The following ARL3 variants were observed in gnomAD, a reference collection of about 807,000 sequenced individuals.
ARL3 encodes ADP-ribosylation factor-like protein 3.
A neutral mutation model predicts 26.0 loss-of-function variants in ARL3; 9 were observed. That is an observed-to-expected ratio of 0.35 (90% confidence interval 0.21 to 0.60). ARL3 has a LOEUF of 0.60. Among genes scored for constraint, ARL3 ranks in the 20% least tolerant of loss-of-function variants. The probability of loss-of-function intolerance (pLI) is 0.78; values close to 1 mark genes in which losing one functional copy is unlikely to be tolerated. For synonymous variants in ARL3, 71 were observed against 78.4 expected, an observed-to-expected ratio of 0.91 and a Z score of 0.50; for missense variants, 158 against 215.7, an observed-to-expected ratio of 0.73 and a Z score of 1.67.
At chr10:102,708,885 ATT>A (rs2064322973) in intron 1 of ARL3, among the ~76,000 whole-genome samples, 1 of 80,440 alleles carries the variant, frequency 1.2e-5, no homozygotes, top group Admixed American at 1.3e-4. Context: ...AAAACCATAT[ATT>A]ATATATATAT....
At chr10:102,692,735 G>A (rs1202524753) in intron 3 of ARL3, among the ~76,000 whole-genome samples, 2 of 151,880 alleles carry the variant, frequency 1.3e-5, no homozygotes, top group Middle Eastern at 3.4e-3. Context: ...TTGAGACAGA[G>A]TCTCGCTCTG....
intron 5 of ARL3, among the ~76,000 whole-genome samples, chr10:102,684,519 C>T (rs1481770062): frequency 6.6e-6 from 1 of 152,110 alleles, no homozygotes; most frequent in African/African-American, 2.4e-5. Context: ...TTCAGAAACA[C>T]AAGAAAATTA....
intron 5 of ARL3, among the ~76,000 whole-genome samples, chr10:102,679,777 T>C (rs554548795): frequency 8.5e-5 from 13 of 152,338 alleles, no homozygotes; most frequent in Admixed American, 2.0e-4. Flanking sequence ...GGTATCTGTA[T>C]ATGCAGAGGC....
intron 5 of ARL3, among the ~76,000 whole-genome samples, chr10:102,683,546 T>C (rs1350591311): frequency 6.6e-6 from 1 of 152,250 alleles, no homozygotes; most frequent in East Asian, 1.9e-4. Context: ...TCTCTTGATA[T>C]CATTTCCTGT....
At chr10:102,713,963 GC>G (rs1174823642) in intron 1 of ARL3, among the ~76,000 whole-genome samples, 1 of 152,136 alleles carries the variant, frequency 6.6e-6, no homozygotes, top group East Asian at 1.9e-4. Flanking sequence ...CCTGGGATCC[GC>G]CCTCACCCCT....
At chr10:102,678,261 G>A (rs781659180) in intron 5 of ARL3, among the ~76,000 whole-genome samples, 1 of 152,196 alleles carries the variant, frequency 6.6e-6, no homozygotes, top group Non-Finnish European at 1.5e-5. Flanking sequence ...GAGGAATGCC[G>A]AGGTGGGAGA....
chr10:102,679,550 G>A (rs1383665629), intron 5 of ARL3, among the ~76,000 whole-genome samples: 2 of 152,178 alleles, frequency 1.3e-5, no homozygotes, highest in East Asian at 3.9e-4. Context: ...CCACGGATGT[G>A]GGTACCTGCC....
At chr10:102,703,178 A>G (rs1590127020) in intron 2 of ARL3, among the ~76,000 whole-genome samples, 1 of 142,778 alleles carries the variant, frequency 7.0e-6, no homozygotes, top group African/African-American at 2.6e-5. Context: ...CTGGAGTGCA[A>G]TGGCACAATC....
Position 102,689,958 on chromosome 10 carries a change from A to G in ARL3, c.265-15T>C. ...ATTACATATATCTATAAAGGAAAAG[A>G]AGAAGGTTATTTCAGTGAGCAGAGA... is the stretch of plus-strand genomic sequence containing the variant. On this transcript the variant is annotated splice_polypyrimidine_tract_variant and intron_variant, in intron 3 of 5. Transcript: ENST00000260746. The G allele has an allele frequency of 6.4e-7, 1 of 1,563,968 alleles. No homozygotes were observed. The highest frequency in any genetic ancestry group is 8.7e-7 in the Non-Finnish European group (1 of 1,147,532).
At chr10:102,691,281 C>T (rs1590122697) in intron 3 of ARL3, among the ~76,000 whole-genome samples, 1 of 115,236 alleles carries the variant, frequency 8.7e-6, no homozygotes, top group East Asian at 2.9e-4. Context: ...CCTCCCCCCA[C>T]CCCACCACAG....
chr10:102,690,735 GA>G (rs1457249978), intron 3 of ARL3, among the ~76,000 whole-genome samples: 2 of 152,146 alleles, frequency 1.3e-5, no homozygotes, highest in African/African-American at 4.8e-5. Context: ...AGAAATGGAA[GA>G]TACCCTATCC....
At chr10:102,680,506 C>A (rs1016246137) in intron 5 of ARL3, among the ~76,000 whole-genome samples, 1 of 152,150 alleles carries the variant, frequency 6.6e-6, no homozygotes, top group Non-Finnish European at 1.5e-5. Flanking sequence ...ATATTATTCT[C>A]CCCTATAACC....
intron 3 of ARL3, among the ~76,000 whole-genome samples, chr10:102,696,186 G>A (rs1414500697): frequency 4.0e-5 from 6 of 150,750 alleles, no homozygotes; most frequent in Non-Finnish European, 8.9e-5. Flanking sequence ...GGATGGTCTC[G>A]ATCTCCTGAC....
intron 3 of ARL3, among the ~76,000 whole-genome samples, chr10:102,697,162 T>G (rs1369631259): frequency 2.0e-5 from 3 of 152,098 alleles, no homozygotes; most frequent in Non-Finnish European, 2.9e-5. Flanking sequence ...GTAATATAAA[T>G]TTTTCAGCTT....
intron 5 of ARL3, among the ~76,000 whole-genome samples, chr10:102,677,576 T>A (rs542331868): frequency 3.9e-5 from 6 of 152,170 alleles, no homozygotes; most frequent in Non-Finnish European, 7.4e-5. Flanking sequence ...ACAATGACCT[T>A]GAAAGCGCCC....
chr10:102,681,082 T>C (rs1394696008), intron 5 of ARL3, among the ~76,000 whole-genome samples: 11 of 152,138 alleles, frequency 7.2e-5, no homozygotes, highest in Non-Finnish European at 1.5e-5. Context: ...AAAGAAGTGG[T>C]AAATTTTGTT....
At chr10:102,698,624 T>C (rs562591489) in intron 3 of ARL3, among the ~76,000 whole-genome samples, 30 of 152,274 alleles carry the variant, frequency 2.0e-4, no homozygotes, top group African/African-American at 7.2e-4. Flanking sequence ...GGCTGAGGTT[T>C]TGTGGAAATC....
chr10:102,680,086 GGCGCCCGCCACCAT>G (rs1394807594), intron 5 of ARL3, among the ~76,000 whole-genome samples: 1 of 152,092 alleles, frequency 6.6e-6, no homozygotes, highest in African/African-American at 2.4e-5. Context: ...TGGGACTACA[GGCGCCCGCCACCAT>G]GCCCGACTAA....
chr10:102,705,528 A>ACTGACTGT (rs1238185596), intron 1 of ARL3, 39 bp from the exon 2 acceptor site: 2 of 1,500,512 alleles, frequency 1.3e-6, no homozygotes, highest in African/African-American at 1.4e-5. Context: ...CTCTGGGGGC[A>ACTGACTGT]CTGACTGTGA....
Sources: gnomAD v4.1 joint callset for allele counts (sites outside exome capture counted in the v4.1 genomes callset) on GRCh38, gnomAD v4.1.1 for gene constraint, MANE v1.5 for transcripts, NCBI Gene and HGNC (gene_info 2026-07-23, HGNC 2026-07-21) for gene names.